BCAR3: variants seen among roughly 807,000 people sequenced by gnomAD.
BCAR3 encodes BCAR3 adaptor protein, NSP family member, also known as breast cancer anti-estrogen resistance protein 3.
BCAR3 carries 37 observed loss-of-function variants against 80.1 expected under a neutral mutation model. The ratio of observed to expected loss-of-function variants is 0.46; its 90% CI spans 0.36 to 0.61. The LOEUF is 0.61. Among genes scored for constraint, BCAR3 ranks in the 20% least tolerant of loss-of-function variants. The pLI is 0.00. For synonymous variants in BCAR3, 389 were observed against 418.9 expected (o/e 0.93, Z 0.87); for missense variants, 978 against 1,068.2 (o/e 0.92, Z 1.18).
At chr1:93,625,266 C>T (rs1675423593) in intron 3 of BCAR3, among the ~76,000 whole-genome samples, 1 of 152,188 alleles carries the variant, frequency 6.6e-6, no homozygotes, top group African/African-American at 2.4e-5. Context: ...GGATTCCAAA[C>T]TGGGAGAGGC....
chr1:93,842,342 G>T (rs1171789944), intron 2 of BCAR3, among the ~76,000 whole-genome samples: 2 of 152,018 alleles, frequency 1.3e-5, no homozygotes, highest in Non-Finnish European at 2.9e-5. Flanking sequence ...AGTAGAGACA[G>T]GGTTTCACCA....
Position 93,571,852 on chromosome 1 carries a change from G to GGA in BCAR3, c.1803-13_1803-12dup, listed in dbSNP as rs1488674000. ...GCCATTGTGTTGTGTCTGAAAGCCA[G>GGA]GAGATCAGCGGTCAGGTTCAGGGCC... On this transcript the variant is annotated splice_polypyrimidine_tract_variant and intron_variant, in intron 8 of 11. Transcript: ENST00000260502. 3.1e-6 allele frequency: 5 copies of GGA among 1,609,038 alleles called. No individual in the cohort carries two copies. Among genetic ancestry groups the GGA allele is most frequent in the Non-Finnish European group, 4.2e-6 (5 of 1,177,256 alleles).
chr1:93,567,394 G>A lies in BCAR3; in HGVS notation c.2184C>T (p.Asp728=), dbSNP rs1428507257. ...ERQAVTFEGT[D]MWEKNDQSCE... ...AGCTCTGGTCGTTTTTTTCCCACATGTCGGTTCCTTCAAAAGTCACAGCCT... is the reference window on the plus strand; with the variant it reads ...AGCTCTGGTCGTTTTTTTCCCACATATCGGTTCCTTCAAAAGTCACAGCCT... Residue 728 remains aspartate (D), a synonymous_variant, in exon 11 of 12, where the codon GAC becomes GAT. Transcript: ENST00000260502. The A allele has an allele frequency of 6.2e-7, 1 of 1,613,808 alleles. No homozygotes were observed. Among genetic ancestry groups the A allele is most frequent in the African/African-American group, 1.3e-5 (1 of 74,892 alleles).
intron 11 of BCAR3, among the ~76,000 whole-genome samples, chr1:93,563,941 G>A (rs756856678): frequency 8.6e-5 from 13 of 151,982 alleles, no homozygotes; most frequent in Non-Finnish European, 1.5e-4. Flanking sequence ...TGATCCACCC[G>A]CCTCGACCTC....
rs1673742170 is a variant in BCAR3, at chr1:93,582,316, C to T, written c.1671G>A (p.Leu557=). The stretch of plus-strand genomic sequence containing the variant: ...CAGCGCTTACCCTGCAGTCCATGCT[C>T]AGTACGTGCTGGGCGATGACCTTGG... The part of the protein sequence containing the change: ...NDPKVIAQHV[L]SMDCRVARIL... Residue 557 remains leucine (L), a synonymous_variant, in exon 7 of 12, where the codon CTG becomes CTA. Transcript: ENST00000260502. 1 of 1,613,854 alleles carries T rather than the reference C, an allele frequency of 6.2e-7. No individual in the cohort carries two copies.
chr1:93,609,850 C>T (rs968272494), intron 3 of BCAR3, among the ~76,000 whole-genome samples: 2 of 152,210 alleles, frequency 1.3e-5, no homozygotes, highest in African/African-American at 2.4e-5. Context: ...TGGATAACTT[C>T]GACTAATTCA....
rs137906211 is a variant in BCAR3 at position 93,571,837 on chromosome 1, T to G, written c.1807A>C (p.Asn603His). 2.1e-4 allele frequency: 345 copies of G among 1,612,170 alleles called. No homozygotes were observed. The highest frequency in any genetic ancestry group is 1.7e-4 in the Middle Eastern group (1 of 5,792). The change falls in exon 9 of 12, where the codon AAC becomes CAC. Residue 603 changes from asparagine to histidine, a missense_variant. Asn to His is a moderately conservative substitution (Grantham distance 68, BLOSUM62 1). Coordinates refer to ENST00000260502, the MANE Select transcript of BCAR3 (RefSeq NM_003567.4). Reference protein sequence around the residue: ...QLRLDIIERHNTMAIGIAVDI... With the variant: ...QLRLDIIERHHTMAIGIAVDI... ...ACTGCAATGCCGATGGCCATTGTGT[T>G]GTGTCTGAAAGCCAGGAGATCAGCG...
Position 93,567,785 on chromosome 1 carries a change from CAT to C in BCAR3, c.2039_2040del (p.Tyr680Ter), listed in dbSNP as rs746466805. On this transcript the variant is annotated frameshift_variant, in exon 10 of 12. Coordinates refer to ENST00000260502, the MANE Select transcript of BCAR3 (RefSeq NM_003567.4). LOFTEE classifies it high-confidence loss of function. ...TTGCTGAAGGGCTTCAGCTGTTTCT[CAT>C]AGAGAATGGCAGTTTGGGTGTACTG... ...RHQYTQTAIL[Y>X]EKQLKPFSKL... The C allele has an allele frequency of 4.3e-6, 7 of 1,614,148 alleles. No homozygotes were observed. The African/African-American group carries it at 8.0e-5, about 18-fold the overall frequency.
At chr1:93,756,022 C>T (rs988743386) in intron 2 of BCAR3, among the ~76,000 whole-genome samples, 1 of 152,142 alleles carries the variant, frequency 6.6e-6, no homozygotes, top group Non-Finnish European at 1.5e-5. Context: ...GAGAATACGT[C>T]CCCAGTTTCA....
intron 8 of BCAR3, among the ~76,000 whole-genome samples, chr1:93,573,129 C>A (rs1042100070): frequency 3.4e-5 from 5 of 146,390 alleles, no homozygotes; most frequent in African/African-American, 1.3e-4. Flanking sequence ...TGAGCCAGGT[C>A]TCAGGCCTGT....
intron 2 of BCAR3, among the ~76,000 whole-genome samples, chr1:93,741,245 T>G (rs1342244722): frequency 6.6e-6 from 1 of 152,192 alleles, no homozygotes; most frequent in Non-Finnish European, 1.5e-5. Flanking sequence ...TATACTGGCT[T>G]GCAACTTGGG....
chr1:93,612,461 C>T (rs1674981688), intron 3 of BCAR3, among the ~76,000 whole-genome samples: 1 of 152,096 alleles, frequency 6.6e-6, no homozygotes, highest in Non-Finnish European at 1.5e-5. Flanking sequence ...TGCAGACCAA[C>T]AGGTACCCAA....
Position 93,744,775 on chromosome 1 carries a change from G to T in BCAR3, c.-62-38633C>A, listed in dbSNP as rs76965654. ...ATGATTTATTGCTTTCATTAAACAG[G>T]ATTCTCAGTCAAACGCAATGGGTTT... On this transcript the variant is annotated intron_variant, in intron 2 of 13. Transcript: ENST00000370244. Among the ~76,000 whole-genome samples, 283 of 152,328 alleles carry T rather than the reference G, an allele frequency of 1.9e-3. 14 individuals carry two copies. In the East Asian group the frequency reaches 0.052, roughly 28 times the overall value.
At chr1:93,673,766 T>TGACC (rs746229560) in intron 2 of BCAR3, among the ~76,000 whole-genome samples, 15 of 152,248 alleles carry the variant, frequency 9.9e-5, no homozygotes, top group Admixed American at 5.9e-4. Context: ...ATTCTGAAGC[T>TGACC]GACCTGCTGG....
chr1:93,781,383 G>A (rs913789062), intron 2 of BCAR3, among the ~76,000 whole-genome samples: 2 of 152,120 alleles, frequency 1.3e-5, no homozygotes, highest in African/African-American at 4.8e-5. Context: ...CCCTCAGTGT[G>A]TGCCAGAACA....
intron 2 of BCAR3, among the ~76,000 whole-genome samples, chr1:93,643,593 C>CAG (rs1277767171): frequency 2.6e-5 from 2 of 77,430 alleles, no homozygotes; most frequent in Non-Finnish European, 5.6e-5. Flanking sequence ...TTTAAAAATA[C>CAG]AGAGAGAGAA....
intron 2 of BCAR3, among the ~76,000 whole-genome samples, chr1:93,781,544 A>G (rs1232579526): frequency 6.6e-6 from 1 of 152,238 alleles, no homozygotes; most frequent in Non-Finnish European, 1.5e-5. Flanking sequence ...TCTTCATACA[A>G]TTGAGCAAGT....
intron 8 of BCAR3, among the ~76,000 whole-genome samples, chr1:93,572,602 C>T (rs1673264390): frequency 1.3e-5 from 2 of 152,194 alleles, no homozygotes; most frequent in Admixed American, 1.3e-4. Context: ...TGAATGGGGT[C>T]AGTCTGCGGC....
At chr1:93,589,628 A>G (rs1009740728) in intron 4 of BCAR3, among the ~76,000 whole-genome samples, 13 of 152,234 alleles carry the variant, frequency 8.5e-5, no homozygotes, top group African/African-American at 2.9e-4. Context: ...CGTGCCAAGC[A>G]CCACTGCAGG....
Sources: gnomAD v4.1 joint callset for allele counts (sites outside exome capture counted in the v4.1 genomes callset) on GRCh38, gnomAD v4.1.1 for gene constraint, MANE v1.5 for transcripts, NCBI Gene and HGNC (gene_info 2026-07-23, HGNC 2026-07-21) for gene names.